The following ZBTB7C variants were observed in gnomAD, a reference collection of about 807,000 sequenced individuals.
The protein encoded by ZBTB7C is zinc finger and BTB domain-containing protein 7C.
In ZBTB7C, 8 loss-of-function variants were observed where a neutral mutation model predicts 25.7. The ratio of observed to expected loss-of-function variants is 0.31; its 90% CI spans 0.18 to 0.56. The LOEUF (loss-of-function observed/expected upper bound fraction) is 0.56, where lower values mean the gene tolerates loss of function less well. Ranked by LOEUF, ZBTB7C falls within the 20% of genes least tolerant of loss-of-function variation. The pLI is 0.91. For synonymous variants in ZBTB7C, 394 were observed against 369.0 expected (o/e 1.07, Z -0.78); for missense variants, 824 against 855.2 (o/e 0.96, Z 0.46).
intron 3 of ZBTB7C, among the ~76,000 whole-genome samples, chr18:48,171,307 C>T (rs1169478290): frequency 6.6e-6 from 1 of 152,210 alleles, no homozygotes; most frequent in Non-Finnish European, 1.5e-5. Flanking sequence ...GGCCATCTCA[C>T]CCCCTCCTGG....
intron 3 of ZBTB7C, among the ~76,000 whole-genome samples, chr18:48,164,597 G>A (rs1307516140): frequency 6.6e-6 from 1 of 152,108 alleles, no homozygotes; most frequent in Non-Finnish European, 1.5e-5. Context: ...TCCAGCACTT[G>A]GATGATGCAT....
chr18:48,029,282 G>A lies in ZBTB7C; in HGVS notation c.1838C>T (p.Ser613Phe). The A allele has an allele frequency of 6.5e-7, 1 of 1,538,164 alleles. No homozygotes were observed. Among genetic ancestry groups the A allele is most frequent in the Non-Finnish European group, 8.7e-7 (1 of 1,148,682 alleles). The change falls in exon 5 of 5, where the codon TCC becomes TTC. Residue 613 changes from serine (S) to phenylalanine (F), a missense_variant. By Grantham distance (155) the Ser-to-Phe change is radical. Around this residue, in one of 4 missense-constraint regions of ZBTB7C, gnomAD observed 342 missense variants for 307.0 expected, o/e 1.11. Transcript: ENST00000590800. ...AGCCTAGTTGTTGGCTTCGGACATG[G>A]AGGCCACGTGGTTGAGGCCGGCGAG... ...PGLAGLNHVA[S>F]MSEANN
chr18:48,101,036 C>T (rs1254347176), intron 3 of ZBTB7C, among the ~76,000 whole-genome samples: 1 of 152,124 alleles, frequency 6.6e-6, no homozygotes, highest in African/African-American at 2.4e-5. Flanking sequence ...GGCACAGTAG[C>T]CTTGTCCTCA....
intron 2 of ZBTB7C, among the ~76,000 whole-genome samples, chr18:48,265,469 C>G (rs780770974): frequency 1.7e-4 from 26 of 152,314 alleles, no homozygotes; most frequent in Admixed American, 1.4e-3. Context: ...GTTATTTATG[C>G]TCTCTGAGCC....
At chr18:48,118,905 G>A (rs1033800565) in intron 3 of ZBTB7C, among the ~76,000 whole-genome samples, 2 of 152,084 alleles carry the variant, frequency 1.3e-5, no homozygotes, top group African/African-American at 4.8e-5. Context: ...GCCTGATGTG[G>A]ATTCCTAAGG....
intron 2 of ZBTB7C, among the ~76,000 whole-genome samples, chr18:48,218,943 G>A (rs2042888864): frequency 6.6e-6 from 1 of 151,950 alleles, no homozygotes; most frequent in Admixed American, 6.5e-5. Flanking sequence ...AGACCCCCCT[G>A]GAGGCTCTCC....
chr18:48,341,208 A>G (rs977709725), intron 1 of ZBTB7C, among the ~76,000 whole-genome samples: 2 of 152,204 alleles, frequency 1.3e-5, no homozygotes, highest in African/African-American at 2.4e-5. Context: ...TACAAAGACA[A>G]TATCTGTTCA....
intron 3 of ZBTB7C, among the ~76,000 whole-genome samples, chr18:48,071,043 C>T (rs924552887): frequency 1.3e-5 from 2 of 152,212 alleles, no homozygotes; most frequent in Non-Finnish European, 2.9e-5. Flanking sequence ...TACTGCTTTT[C>T]ACATCTATAG....
chr18:48,350,957 T>C (rs56072246), intron 1 of ZBTB7C, among the ~76,000 whole-genome samples: 35,641 of 151,596 alleles, frequency 0.24, 4,430 homozygotes, highest in Non-Finnish European at 0.26. Flanking sequence ...TCTTAAGTTG[T>C]TTATAATCTT....
intron 1 of ZBTB7C, among the ~76,000 whole-genome samples, chr18:48,352,571 T>A (rs1231029151): frequency 6.6e-6 from 1 of 152,034 alleles, no homozygotes; most frequent in Non-Finnish European, 1.5e-5. Context: ...AGGGGAAGGA[T>A]TAATCTAGGG....
intron 3 of ZBTB7C, among the ~76,000 whole-genome samples, chr18:48,123,838 T>C (rs547030854): frequency 9.8e-5 from 15 of 152,326 alleles, no homozygotes; most frequent in Admixed American, 4.6e-4. Context: ...TTTTTATTAA[T>C]GAGATTGTAA....
At chr18:48,249,750 C>T (rs893672892) in intron 2 of ZBTB7C, among the ~76,000 whole-genome samples, 1 of 152,134 alleles carries the variant, frequency 6.6e-6, no homozygotes, top group Non-Finnish European at 1.5e-5. Flanking sequence ...TGTACATAGC[C>T]CTGTAAAACT....
chr18:48,128,444 G>A lies in ZBTB7C; in HGVS notation c.-17+57490C>T, dbSNP rs577951037. ...GGCCGGTTCACAATTGTAAAGATAT[G>A]GAACCAACCTAAGTGCCCATCGACC... is the stretch of plus-strand genomic sequence containing the variant. On this transcript the variant is annotated intron_variant, in intron 3 of 4. Transcript: ENST00000590800. Among the ~76,000 whole-genome samples the A allele has an allele frequency of 9.8e-4, 150 of 152,296 alleles. 1 individual carries two copies. Among genetic ancestry groups the A allele is most frequent in the African/African-American group, 3.5e-3 (147 of 41,554 alleles).
At chr18:48,211,594 A>AC (rs1215255612) in intron 2 of ZBTB7C, among the ~76,000 whole-genome samples, 1 of 152,222 alleles carries the variant, frequency 6.6e-6, no homozygotes. Context: ...TTCAACATCA[A>AC]CATCATATGT....
chr18:48,110,638 G>A (rs1340016890), intron 3 of ZBTB7C, among the ~76,000 whole-genome samples: 3 of 152,152 alleles, frequency 2.0e-5, no homozygotes, highest in Non-Finnish European at 2.9e-5. Flanking sequence ...TAGAATACAC[G>A]GTTCTGAATG....
chr18:48,139,631 C>CTG (rs1482519104), intron 3 of ZBTB7C, among the ~76,000 whole-genome samples: 4 of 152,114 alleles, frequency 2.6e-5, no homozygotes, highest in East Asian at 1.9e-4. Context: ...CCCCTAATCA[C>CTG]TGTGTGTGTG....
intron 2 of ZBTB7C, among the ~76,000 whole-genome samples, chr18:48,317,049 G>GA (rs1384985594): frequency 6.6e-6 from 1 of 152,156 alleles, no homozygotes; most frequent in Non-Finnish European, 1.5e-5. Flanking sequence ...AAGGCAAGGG[G>GA]ATCACCTGAG....
At chr18:48,120,385 G>T (rs1415604539) in intron 3 of ZBTB7C, among the ~76,000 whole-genome samples, 1 of 152,144 alleles carries the variant, frequency 6.6e-6, no homozygotes, top group Non-Finnish European at 1.5e-5. Context: ...CAGCACTTTG[G>T]GAGGCTGAGG....
chr18:48,386,779 T>C (rs1335878787), intron 1 of ZBTB7C, among the ~76,000 whole-genome samples: 2 of 152,188 alleles, frequency 1.3e-5, no homozygotes, highest in Non-Finnish European at 2.9e-5. Flanking sequence ...TTATTGTGCT[T>C]CATCTCAAAA....
Sources: allele counts gnomAD v4.1 joint callset (sites outside exome capture counted in the v4.1 genomes callset), GRCh38; gene constraint gnomAD v4.1.1; regional missense constraint gnomAD v4.1.1; transcripts MANE v1.5; gene names NCBI Gene and HGNC (gene_info 2026-07-23, HGNC 2026-07-21).